The following RAB11FIP3 variants were observed in gnomAD, a reference collection of about 807,000 sequenced individuals.
RAB11FIP3 encodes rab11 family-interacting protein 3.
A neutral mutation model predicts 77.8 loss-of-function variants in RAB11FIP3; 17 were observed. The ratio of observed to expected loss-of-function variants is 0.22; its 90% CI spans 0.15 to 0.33. The LOEUF is 0.33. Among genes scored for constraint, RAB11FIP3 ranks in the 10% least tolerant of loss-of-function variants. RAB11FIP3 has a pLI of 1.00. For synonymous variants in RAB11FIP3, 437 were observed against 448.2 expected (o/e 0.98, Z 0.31); for missense variants, 1,005 against 1,011.2 (o/e 0.99, Z 0.08).
intron 9 of RAB11FIP3, among the ~76,000 whole-genome samples, chr16:512,961 C>T (rs560594869): frequency 1.7e-4 from 26 of 151,592 alleles, no homozygotes; most frequent in African/African-American, 6.3e-4. Context: ...GGATTACCAG[C>T]GTGAGCCACT....
Position 505,326 on chromosome 16 carries a change from G to T in RAB11FIP3, c.1396-198G>T, listed in dbSNP as rs1254045490. ...GTGCATTTGTGGGTCGAATGACAGTGCTCCCCAAGACCCCGGCCCCATTAG... is the reference window on the plus strand; with the variant it reads ...GTGCATTTGTGGGTCGAATGACAGTTCTCCCCAAGACCCCGGCCCCATTAG... On this transcript the variant is annotated intron_variant, in intron 7 of 13. Transcript: ENST00000262305. The surrounding 1 kb of genome is among the most constrained non-coding windows in gnomAD (Gnocchi z 4.0). Among the ~76,000 whole-genome samples the T allele has an allele frequency of 6.6e-6, 1 of 152,146 alleles. No homozygotes were observed. Among genetic ancestry groups the T allele is most frequent in the Non-Finnish European group, 1.5e-5 (1 of 68,030 alleles).
intron 1 of RAB11FIP3, among the ~76,000 whole-genome samples, chr16:430,611 G>A (rs540859553): frequency 6.6e-6 from 1 of 152,238 alleles, no homozygotes; most frequent in South Asian, 2.1e-4. Context: ...CTGAAGTGCA[G>A]TGGCAAGATC....
chr16:427,584 A>G (rs775129539), intron 1 of RAB11FIP3, among the ~76,000 whole-genome samples: 21 of 152,376 alleles, frequency 1.4e-4, no homozygotes, highest in South Asian at 8.3e-4. Context: ...TGTTCTGCCA[A>G]TAACCCGGTG....
intron 1 of RAB11FIP3, among the ~76,000 whole-genome samples, chr16:434,754 C>T (rs1360615464): frequency 6.6e-6 from 1 of 151,940 alleles, no homozygotes; most frequent in East Asian, 1.9e-4. Flanking sequence ...TTTACTTGTC[C>T]CCAGGAAGAT....
intron 8 of RAB11FIP3, among the ~76,000 whole-genome samples, chr16:508,332 C>T (rs751870793): frequency 7.9e-5 from 12 of 152,280 alleles, no homozygotes; most frequent in Middle Eastern, 3.4e-3. Flanking sequence ...TATTATTTGC[C>T]GTGCTGTGCA....
intron 2 of RAB11FIP3, among the ~76,000 whole-genome samples, chr16:465,713 G>A (rs1410064091): frequency 6.6e-6 from 1 of 152,072 alleles, no homozygotes; most frequent in African/African-American, 2.4e-5. Flanking sequence ...AGGTTCAAGC[G>A]ATTCTCCTGC....
intron 9 of RAB11FIP3, among the ~76,000 whole-genome samples, chr16:515,984 G>A (rs2032396581): frequency 6.6e-6 from 1 of 152,218 alleles, no homozygotes; most frequent in East Asian, 1.9e-4. Context: ...TCCTCCTGAC[G>A]AACACCTGAG....
At chr16:501,365 C>T (rs1380436215) in intron 6 of RAB11FIP3, among the ~76,000 whole-genome samples, 1 of 146,964 alleles carries the variant, frequency 6.8e-6, no homozygotes, top group Non-Finnish European at 1.5e-5. Context: ...CCCCCCATTT[C>T]ATAGGCAAGG....
intron 1 of RAB11FIP3, among the ~76,000 whole-genome samples, chr16:438,270 G>A (rs2055164922): frequency 6.6e-6 from 1 of 150,694 alleles, no homozygotes; most frequent in Non-Finnish European, 1.5e-5. Flanking sequence ...ACCATGCCCG[G>A]CTACTTTTTG....
chr16:505,568 G>A lies in RAB11FIP3; in HGVS notation c.1440G>A (p.Thr480=), dbSNP rs148728201. Residue 480 remains threonine (T), a synonymous_variant, in exon 8 of 14, where the codon ACG becomes ACA. Transcript: ENST00000262305. The surrounding 1 kb of genome is among the most constrained non-coding windows in gnomAD (Gnocchi z 4.0). ...ERRVLELEKD[T]AATGEQHSRL... is the part of the protein sequence containing the mutation. ...GTGTGCTGGAGCTGGAAAAGGACAC[G>A]GCAGCCACCGGTGAGCAACACAGCC... The A allele has an allele frequency of 2.9e-5, 47 of 1,607,230 alleles. No individual in the cohort carries two copies. The highest frequency in any genetic ancestry group is 1.7e-4 in the Middle Eastern group (1 of 6,056).
intron 8 of RAB11FIP3, among the ~76,000 whole-genome samples, chr16:508,582 C>T (rs2031984544): frequency 6.6e-6 from 1 of 152,170 alleles, no homozygotes; most frequent in Admixed American, 6.5e-5. Context: ...CCATGTTGGC[C>T]AGGCCGGTGT....
rs558799194 is a variant in RAB11FIP3, at chr16:445,259, C to T, written c.715-16145C>T. Among the ~76,000 whole-genome samples, 53 of 149,182 alleles carry T rather than the reference C, an allele frequency of 3.6e-4. 1 individual carries two copies. In the South Asian group the frequency reaches 7.9e-3, roughly 22 times the overall value. On this transcript the variant is annotated intron_variant, in intron 1 of 13. Transcript: ENST00000262305. ...ACCAGCCTGGCCAACATGGTGAAAC[C>T]CCGAATCTACTAAAAATACAAAAAA... is the stretch of plus-strand genomic sequence containing the variant.
chr16:506,202 C>T lies in RAB11FIP3; in HGVS notation c.1499+575C>T, dbSNP rs77618392. 0.011 allele frequency among the ~76,000 whole-genome samples: 1,652 copies of T among 152,208 alleles called. 31 individuals are homozygous for T. The highest frequency in any genetic ancestry group is 0.037 in the African/African-American group (1,523 of 41,516). ...GCCTCACTCTGGTTTGCAGACTTTTCTTAGAATACCGTGTAATTCTCGGTG... is the reference window on the plus strand; with the variant it reads ...GCCTCACTCTGGTTTGCAGACTTTTTTTAGAATACCGTGTAATTCTCGGTG... On this transcript the variant is annotated intron_variant, in intron 8 of 13. Transcript: ENST00000262305. The surrounding 1 kb of genome is among the most constrained non-coding windows in gnomAD (Gnocchi z 4.5).
At chr16:434,829 C>T (rs1178231827) in intron 1 of RAB11FIP3, among the ~76,000 whole-genome samples, 1 of 151,996 alleles carries the variant, frequency 6.6e-6, no homozygotes, top group African/African-American at 2.4e-5. Context: ...TTTGGGAAGC[C>T]GAGGTGGGCA....
chr16:448,578 T>C (rs1264007980), intron 1 of RAB11FIP3, among the ~76,000 whole-genome samples: 1 of 150,506 alleles, frequency 6.6e-6, no homozygotes, highest in Non-Finnish European at 1.5e-5. Flanking sequence ...CTAATAAAAA[T>C]ACAAAATATT....
intron 1 of RAB11FIP3, among the ~76,000 whole-genome samples, chr16:432,148 C>T (rs2055047772): frequency 6.6e-6 from 1 of 152,116 alleles, no homozygotes; most frequent in Non-Finnish European, 1.5e-5. Flanking sequence ...TTTGGGAGGC[C>T]AAGGCGGGTG....
At position 496,977 on chromosome 16, in the gene RAB11FIP3, A is replaced by G. The variant is rs1267143578; in HGVS notation, c.1301+118A>G. ...GGTATTTTTTAAACTCTTGCAAGTT[A>G]CTTTACATGGTTTGGGGCTGAAGGT... On this transcript the variant is annotated intron_variant, in intron 6 of 13. Coordinates refer to ENST00000262305, the MANE Select transcript of RAB11FIP3 (RefSeq NM_014700.4). 21 of 1,148,384 alleles carry G rather than the reference A, an allele frequency of 1.8e-5. No homozygotes were observed. In the South Asian group the frequency reaches 2.6e-4, roughly 14 times the overall value. 71.1% of individuals were successfully genotyped at this position (1,148,384 alleles called of 1,614,324 possible).
At chr16:502,017 G>A (rs543573831) in intron 6 of RAB11FIP3, among the ~76,000 whole-genome samples, 17 of 152,338 alleles carry the variant, frequency 1.1e-4, no homozygotes, top group Middle Eastern at 3.4e-3. Context: ...AAGGAAGCTC[G>A]GAGAGGGCCA....
chr16:502,953 T>C (rs767954486), intron 6 of RAB11FIP3, 51 bp from the exon 7 acceptor site: 1 of 1,407,982 alleles, frequency 7.1e-7, no homozygotes. Flanking sequence ...TGACGGAGCA[T>C]GTCCTGTGGT....
Sources: allele counts gnomAD v4.1 joint callset (sites outside exome capture counted in the v4.1 genomes callset), GRCh38; gene constraint gnomAD v4.1.1; non-coding constraint Gnocchi (gnomAD v3.1); transcripts MANE v1.5; gene names NCBI Gene and HGNC (gene_info 2026-07-23, HGNC 2026-07-21).